ZSCAN5A: variants seen among roughly 807,000 people sequenced by gnomAD.
ZSCAN5A encodes the protein zinc finger and SCAN domain containing 5A, also known as zinc finger and SCAN domain-containing protein 5A.
In ZSCAN5A, 12 loss-of-function variants were observed where a neutral mutation model predicts 23.7. The observed-to-expected ratio is 0.51, with a 90% CI of 0.32 to 0.82. ZSCAN5A has a LOEUF of 0.82. ZSCAN5A is among the 40% of genes least tolerant of loss of function. ZSCAN5A has a pLI of 0.03. For synonymous variants in ZSCAN5A, 257 were observed against 239.9 expected (o/e 1.07, Z -0.66); for missense variants, 597 against 617.9 (o/e 0.97, Z 0.36).
intron 2 of ZSCAN5A, chr19:56,284,085 G>A (rs777065304): frequency 2.1e-5 from 17 of 809,058 alleles, no homozygotes; most frequent in Non-Finnish European, 2.4e-5. Flanking sequence ...ATCTGACCTC[G>A]TTTTTGGTTT....
intron 2 of ZSCAN5A, chr19:56,282,411 T>C (rs2038780913): frequency 2.3e-6 from 2 of 863,046 alleles, no homozygotes; most frequent in African/African-American, 3.7e-5. Context: ...CCTTTCATAT[T>C]CTCTCTGAAC....
In ZSCAN5A at chr19:56,344,140, C is replaced by T. The variant is rs2041614283; in HGVS notation, c.-358+19095G>A. ...ATCTTGACTCTAACCTCCACACTGT[C>T]CTTGTTCATTCCTGGGCATAGGCCA... On this transcript the variant is annotated intron_variant, in intron 2 of 6. Coordinates refer to the ZSCAN5A transcript ENST00000587340. Among the ~76,000 whole-genome samples the T allele has an allele frequency of 2.0e-5, 3 of 152,330 alleles. No homozygotes were observed. The South Asian group carries it at 6.2e-4, about 32-fold the overall frequency.
At chr19:56,251,498 T>C (rs1167543744) in intron 2 of ZSCAN5A, among the ~76,000 whole-genome samples, 3 of 152,196 alleles carry the variant, frequency 2.0e-5, no homozygotes, top group Admixed American at 1.3e-4. Context: ...CAGCATTTAA[T>C]ATAAAGCAGG....
intron 2 of ZSCAN5A, among the ~76,000 whole-genome samples, chr19:56,345,093 G>A (rs548027133): frequency 3.3e-5 from 5 of 151,054 alleles, no homozygotes; most frequent in South Asian, 2.1e-4. Context: ...GCAACAGAGC[G>A]AGACTACATC....
At chr19:56,349,798 G>A (rs370148942) in intron 2 of ZSCAN5A, among the ~76,000 whole-genome samples, 1 of 150,046 alleles carries the variant, frequency 6.7e-6, no homozygotes, top group African/African-American at 2.5e-5. Flanking sequence ...ATCTTACTCA[G>A]TCCCACTCCT....
intron 2 of ZSCAN5A, among the ~76,000 whole-genome samples, chr19:56,326,394 T>C (rs1266133120): frequency 6.6e-6 from 1 of 152,066 alleles, no homozygotes; most frequent in Non-Finnish European, 1.5e-5. Flanking sequence ...GGATTCTCTA[T>C]GTTCACCATG....
chr19:56,287,694 G>T (rs930517124), intron 2 of ZSCAN5A, among the ~76,000 whole-genome samples: 1 of 152,194 alleles, frequency 6.6e-6, no homozygotes, highest in African/African-American at 2.4e-5. Context: ...GGAAGTCACA[G>T]ACTCATGGGG....
At chr19:56,288,193 A>G (rs2039266753) in intron 2 of ZSCAN5A, among the ~76,000 whole-genome samples, 1 of 152,144 alleles carries the variant, frequency 6.6e-6, no homozygotes, top group African/African-American at 2.4e-5. Flanking sequence ...ACTGAGCTCC[A>G]GATACTCTCC....
chr19:56,326,588 T>G (rs1490165361), intron 2 of ZSCAN5A, among the ~76,000 whole-genome samples: 3 of 152,148 alleles, frequency 2.0e-5, no homozygotes, highest in African/African-American at 7.2e-5. Flanking sequence ...TATGTGGCTC[T>G]CTGTGCGTGG....
chr19:56,356,442 T>C (rs2041701085), intron 2 of ZSCAN5A, among the ~76,000 whole-genome samples: 1 of 147,870 alleles, frequency 6.8e-6, no homozygotes, highest in African/African-American at 2.6e-5. Context: ...GCTGGGGAGG[T>C]AAGCAAGAAT....
At chr19:56,327,328 G>A (rs1460147559) in intron 2 of ZSCAN5A, among the ~76,000 whole-genome samples, 1 of 151,752 alleles carries the variant, frequency 6.6e-6, no homozygotes, top group African/African-American at 2.4e-5. Flanking sequence ...TATTTCTCAG[G>A]CTGGTCTCGA....
At chr19:56,245,421 G>A in intron 2 of ZSCAN5A, 2 of 679,212 alleles carry the variant, frequency 2.9e-6, no homozygotes, top group Non-Finnish European at 5.4e-6. Flanking sequence ...CTGTCCAGAA[G>A]GCAGGTGAGT....
At chr19:56,312,765 T>C (rs912786207) in intron 2 of ZSCAN5A, among the ~76,000 whole-genome samples, 5 of 152,360 alleles carry the variant, frequency 3.3e-5, no homozygotes, top group South Asian at 4.1e-4. Context: ...AAATTAAAAA[T>C]GTAAAATAAA....
intron 2 of ZSCAN5A, chr19:56,274,861 T>C (rs958316642): frequency 1.6e-4 from 25 of 152,236 alleles, no homozygotes; most frequent in African/African-American, 5.8e-4. Flanking sequence ...TTGTGATTTG[T>C]CCTTAGGATG....
chr19:56,307,335 A>AT (rs2040758834), intron 2 of ZSCAN5A, among the ~76,000 whole-genome samples: 1 of 152,142 alleles, frequency 6.6e-6, no homozygotes, highest in Non-Finnish European at 1.5e-5. Flanking sequence ...GCTTAAATCC[A>AT]CCAGTGGAAA....
At chr19:56,327,450 A>C (rs1345634813) in intron 2 of ZSCAN5A, among the ~76,000 whole-genome samples, 1 of 150,578 alleles carries the variant, frequency 6.6e-6, no homozygotes, top group East Asian at 1.9e-4. Flanking sequence ...ATATATATTT[A>C]TTAATAATAC....
intron 2 of ZSCAN5A, among the ~76,000 whole-genome samples, chr19:56,342,120 A>C (rs189311915): frequency 1.8e-4 from 27 of 152,232 alleles, no homozygotes; most frequent in African/African-American, 6.0e-4. Context: ...TAATCACATA[A>C]AAGTTTTTGA....
At chr19:56,249,099 C>T (rs927783593) in intron 2 of ZSCAN5A, among the ~76,000 whole-genome samples, 1 of 152,104 alleles carries the variant, frequency 6.6e-6, no homozygotes, top group Non-Finnish European at 1.5e-5. Context: ...TTCTAAATTC[C>T]TGATTTGAAT....
At position 56,350,991 on chromosome 19, in the gene ZSCAN5A, T is replaced by TC. The variant is rs917107999; in HGVS notation, c.-358+12243dup. ...ACCACAGGAGAAGGCCCAATTGCTG[T>TC]CCCCCCCCAACCACACGCCCCTTTT... On this transcript the variant is annotated intron_variant, in intron 2 of 6. Coordinates refer to the ZSCAN5A transcript ENST00000587340. 3.3e-4 allele frequency among the ~76,000 whole-genome samples: 50 copies of TC among 150,016 alleles called. No individual in the cohort carries two copies. In the South Asian group the frequency reaches 4.3e-3, roughly 13 times the overall value.
Sources: gnomAD v4.1 joint callset for allele counts (sites outside exome capture counted in the v4.1 genomes callset) on GRCh38, gnomAD v4.1.1 for gene constraint, MANE v1.5 for transcripts, NCBI Gene and HGNC (gene_info 2026-07-23, HGNC 2026-07-21) for gene names.